Variants in PTPRD observed in about 807,000 individuals in gnomAD.
PTPRD encodes protein tyrosine phosphatase receptor type D, also known as receptor-type tyrosine-protein phosphatase delta.
Under a neutral mutation model 214.5 loss-of-function variants are expected in PTPRD, and 34 were observed. The ratio of observed to expected loss-of-function variants is 0.16; its 90% CI spans 0.12 to 0.21. The LOEUF is 0.21. Among genes scored for constraint, PTPRD ranks in the 10% least tolerant of loss-of-function variants. The pLI is 1.00. For missense variants in PTPRD, 2,545 were observed against 2,398.7 expected (o/e 1.06, Z -1.27); for synonymous variants, 1,128 against 845.7 (o/e 1.33, Z -5.79).
chr9:10,138,220 C>T (rs935448574), intron 3 of PTPRD, among the ~76,000 whole-genome samples: 16 of 151,886 alleles, frequency 1.1e-4, no homozygotes, highest in Non-Finnish European at 1.9e-4. Flanking sequence ...CAACCTATTC[C>T]ACAGAAATAC....
chr9:10,059,857 A>G (rs1426915224), intron 3 of PTPRD, among the ~76,000 whole-genome samples: 1 of 152,012 alleles, frequency 6.6e-6, no homozygotes, highest in Non-Finnish European at 1.5e-5. Context: ...GGAAAATTCA[A>G]AATAAATATG....
intron 8 of PTPRD, among the ~76,000 whole-genome samples, chr9:9,543,173 T>C (rs1319133827): frequency 6.6e-6 from 1 of 151,708 alleles, no homozygotes; most frequent in East Asian, 1.9e-4. Context: ...CTCAAAAACA[T>C]TTTGTTGAGC....
chr9:8,641,801 T>G (rs1420554084), intron 12 of PTPRD, among the ~76,000 whole-genome samples: 1 of 152,206 alleles, frequency 6.6e-6, no homozygotes, highest in Non-Finnish European at 1.5e-5. Flanking sequence ...GATTGTTTCT[T>G]AAAGTCTAAC....
intron 9 of PTPRD, among the ~76,000 whole-genome samples, chr9:9,270,654 G>A (rs562255764): frequency 5.2e-4 from 79 of 151,434 alleles, no homozygotes; most frequent in Non-Finnish European, 9.0e-4. Flanking sequence ...AGTTATTTAG[G>A]GGATCCCATG....
intron 14 of PTPRD, among the ~76,000 whole-genome samples, chr9:8,611,193 C>A (rs1490333401): frequency 1.3e-5 from 2 of 152,176 alleles, no homozygotes; most frequent in South Asian, 4.1e-4. Flanking sequence ...AAGAAAATAA[C>A]CAAAAAGCTG....
chr9:10,448,408 G>T (rs1005592958), intron 2 of PTPRD, among the ~76,000 whole-genome samples: 5 of 151,846 alleles, frequency 3.3e-5, no homozygotes, highest in African/African-American at 1.2e-4. Context: ...GGCTCCAATG[G>T]CTCCTGCCCT....
At chr9:9,884,394 A>T (rs1051837222) in intron 5 of PTPRD, among the ~76,000 whole-genome samples, 3 of 152,180 alleles carry the variant, frequency 2.0e-5, no homozygotes, top group Non-Finnish European at 4.4e-5. Context: ...AGTCAGGAAG[A>T]TACCTCTTCT....
chr9:10,360,541 G>C (rs960551578), intron 2 of PTPRD, among the ~76,000 whole-genome samples: 3 of 152,186 alleles, frequency 2.0e-5, no homozygotes, highest in Non-Finnish European at 2.9e-5. Flanking sequence ...AGAGTTGTCA[G>C]AGAGTGTGAG....
intron 2 of PTPRD, among the ~76,000 whole-genome samples, chr9:10,580,365 T>C (rs970369698): frequency 6.6e-6 from 1 of 152,218 alleles, no homozygotes; most frequent in Non-Finnish European, 1.5e-5. Context: ...CAACAGTATA[T>C]AAACCTGTAC....
At chr9:8,499,262 G>A (rs1458375846) in intron 25 of PTPRD, among the ~76,000 whole-genome samples, 1 of 152,158 alleles carries the variant, frequency 6.6e-6, no homozygotes, top group Non-Finnish European at 1.5e-5. Context: ...GAACAACTAA[G>A]TTGCAAGTTG....
intron 14 of PTPRD, among the ~76,000 whole-genome samples, chr9:8,567,433 T>C (rs935353975): frequency 2.0e-5 from 3 of 152,150 alleles, no homozygotes; most frequent in African/African-American, 7.2e-5. Flanking sequence ...CCTGCTTCCA[T>C]AGTACCATGG....
At chr9:8,809,928 T>C (rs1227884659) in intron 11 of PTPRD, among the ~76,000 whole-genome samples, 1 of 152,174 alleles carries the variant, frequency 6.6e-6, no homozygotes, top group African/African-American at 2.4e-5. Context: ...TCATAAGAGA[T>C]AAGCTCCAAT....
chr9:8,688,716 C>G (rs915194920), intron 12 of PTPRD, among the ~76,000 whole-genome samples: 2 of 152,136 alleles, frequency 1.3e-5, no homozygotes, highest in African/African-American at 4.8e-5. Flanking sequence ...ATAACCCTTG[C>G]AATGGATACA....
At chr9:8,813,133 G>A (rs1396221474) in intron 11 of PTPRD, among the ~76,000 whole-genome samples, 1 of 152,108 alleles carries the variant, frequency 6.6e-6, no homozygotes, top group African/African-American at 2.4e-5. Flanking sequence ...TAATAAATGG[G>A]GCTCCAATGT....
At chr9:10,158,193 G>C (rs371856930) in intron 3 of PTPRD, among the ~76,000 whole-genome samples, 2 of 152,174 alleles carry the variant, frequency 1.3e-5, no homozygotes, top group African/African-American at 4.8e-5. Context: ...GTTTTTAGTA[G>C]AGATGGGGTT....
chr9:9,099,708 C>T (rs958415228), intron 10 of PTPRD, among the ~76,000 whole-genome samples: 35 of 152,114 alleles, frequency 2.3e-4, no homozygotes, highest in Non-Finnish European at 3.7e-4. Context: ...GAAAGCGTCA[C>T]GCTGTGTAAT....
intron 35 of PTPRD, among the ~76,000 whole-genome samples, chr9:8,426,410 A>G (rs2094678388): frequency 6.6e-6 from 1 of 152,204 alleles, no homozygotes; most frequent in African/African-American, 2.4e-5. Flanking sequence ...CGGTGCTAAA[A>G]TCCCAATTTT....
At chr9:9,548,901 A>AT (rs767958023) in intron 8 of PTPRD, among the ~76,000 whole-genome samples, 54 of 152,196 alleles carry the variant, frequency 3.5e-4, no homozygotes, top group Non-Finnish European at 6.2e-4. Flanking sequence ...GAAATAGAAC[A>AT]TTTTTACCAT....
At chr9:9,816,375 C>G (rs139543344) in intron 5 of PTPRD, among the ~76,000 whole-genome samples, 2,746 of 152,110 alleles carry the variant, frequency 0.018, 78 homozygotes, top group African/African-American at 0.063. Flanking sequence ...AGATCAACCA[C>G]ATTATCGATT....
Sources: gnomAD v4.1 joint callset for allele counts (sites outside exome capture counted in the v4.1 genomes callset) on GRCh38, gnomAD v4.1.1 for gene constraint, MANE v1.5 for transcripts, NCBI Gene and HGNC (gene_info 2026-07-23, HGNC 2026-07-21) for gene names.